IQSEC1: variants seen among roughly 807,000 people sequenced by gnomAD.
IQSEC1 encodes IQ motif and SEC7 domain-containing protein 1.
IQSEC1 carries 31 observed loss-of-function variants against 91.0 expected under a neutral mutation model. The ratio of observed to expected loss-of-function variants is 0.34; its 90% CI spans 0.26 to 0.46. IQSEC1 has a LOEUF of 0.46. Among genes scored for constraint, IQSEC1 ranks in the 20% least tolerant of loss-of-function variants. The pLI is 1.00. For synonymous variants in IQSEC1, 699 were observed against 662.6 expected (o/e 1.05, Z -0.84); for missense variants, 1,388 against 1,575.6 (o/e 0.88, Z 2.02).
At position 13,254,035 on chromosome 3, in the gene IQSEC1, C is replaced by T. The variant is rs143933390; in HGVS notation, c.272+28676G>A. The stretch of plus-strand genomic sequence containing the variant: ...AGCAGCCCCTCCACATAACTACAAG[C>T]CCTGCCTCCACTGTCGCATCTGAGG... On this transcript the variant is annotated intron_variant, in intron 1 of 15. Coordinates refer to the IQSEC1 transcript ENST00000648114. Among the ~76,000 whole-genome samples the T allele has an allele frequency of 8.8e-3, 1,334 of 152,348 alleles. 21 individuals are homozygous for T. Among genetic ancestry groups the T allele is most frequent in the African/African-American group, 0.031 (1,271 of 41,578 alleles).
At position 13,193,736 on chromosome 3, in the gene IQSEC1, G is replaced by C. The variant is rs1316137853; in HGVS notation, c.273-29603C>G. On this transcript the variant is annotated intron_variant, in intron 1 of 15. Coordinates refer to the IQSEC1 transcript ENST00000648114. The surrounding 1 kb of genome is among the most constrained non-coding windows in gnomAD (Gnocchi z 4.2). ...CTCCCTCCTCCAACGGGCTCTCCCT[G>C]GACACATGCTGTGCTGGACGCTGTC... 6.6e-6 allele frequency among the ~76,000 whole-genome samples: 1 copy of C among 152,092 alleles called. No individual in the cohort carries two copies. The highest frequency in any genetic ancestry group is 6.5e-5 in the Admixed American group (1 of 15,276).
Position 12,941,829 on chromosome 3 carries a change from T to C in IQSEC1, c.60A>G (p.Thr20=), listed in dbSNP as rs761340532. 7.5e-5 allele frequency: 121 copies of C among 1,607,582 alleles called. No individual in the cohort carries two copies. Among genetic ancestry groups the C allele is most frequent in the South Asian group, 1.0e-4 (9 of 90,450 alleles). Residue 20 remains threonine, a synonymous_variant, in exon 2 of 14, where the codon ACA becomes ACG. Transcript: ENST00000613206. The part of the protein sequence containing the change: ...EGEAPSSETG[T]SLDSPSAYPQ... ...GGTAGGCTGAGGGGCTGTCCAGGGA[T>C]GTGCCAGTCTCACTGCTGGGGGCCT... is the stretch of plus-strand genomic sequence containing the variant.
intron 2 of IQSEC1, among the ~76,000 whole-genome samples, chr3:13,146,393 C>T (rs1379147189): frequency 6.6e-6 from 1 of 152,224 alleles, no homozygotes; most frequent in African/African-American, 2.4e-5. Flanking sequence ...CCTCCGCACC[C>T]TTCTGTCCTG....
chr3:13,104,735 G>A (rs536270921), intron 2 of IQSEC1, among the ~76,000 whole-genome samples: 34 of 152,272 alleles, frequency 2.2e-4, no homozygotes, highest in African/African-American at 7.9e-4. Flanking sequence ...CCCTCACTCC[G>A]GCCACTAGCG....
At chr3:13,003,845 A>T (rs1244968074) in intron 1 of IQSEC1, among the ~76,000 whole-genome samples, 1 of 152,210 alleles carries the variant, frequency 6.6e-6, no homozygotes, top group Non-Finnish European at 1.5e-5. Context: ...TGTTCTTAGT[A>T]ATTATGTACT....
chr3:13,071,158 TTTTTTTTTG>T (rs1705408876), intron 1 of IQSEC1, among the ~76,000 whole-genome samples: 8 of 119,622 alleles, frequency 6.7e-5, no homozygotes, highest in African/African-American at 1.2e-4. Context: ...TTTTTGTTTT[TTTTTTTTTG>T]TTTGTTTCTT....
chr3:13,152,865 G>A (rs1279374735), intron 2 of IQSEC1, among the ~76,000 whole-genome samples: 4 of 151,860 alleles, frequency 2.6e-5, no homozygotes, highest in Non-Finnish European at 4.4e-5. Context: ...GCAAGACTCC[G>A]TCTCAAAACA....
intron 2 of IQSEC1, among the ~76,000 whole-genome samples, chr3:13,084,751 T>C (rs1705706616): frequency 6.6e-6 from 1 of 152,150 alleles, no homozygotes. Flanking sequence ...ACAAAGCGGT[T>C]TCCCAGGATC....
chr3:13,061,549 C>A (rs533910168), intron 1 of IQSEC1, among the ~76,000 whole-genome samples: 2 of 152,116 alleles, frequency 1.3e-5, no homozygotes, highest in African/African-American at 4.8e-5. Flanking sequence ...AGTCCCCAGC[C>A]CCCACCAAGG....
At chr3:13,274,114 G>T (rs1011858447) in intron 1 of IQSEC1, among the ~76,000 whole-genome samples, 2 of 152,138 alleles carry the variant, frequency 1.3e-5, no homozygotes, top group African/African-American at 4.8e-5. Context: ...GTTTTCCCAG[G>T]CTACCCCACC....
chr3:13,062,164 C>T (rs1705088239), intron 1 of IQSEC1, among the ~76,000 whole-genome samples: 1 of 152,170 alleles, frequency 6.6e-6, no homozygotes, highest in Non-Finnish European at 1.5e-5. Flanking sequence ...GTTTGCCACC[C>T]AAAGGCTCCT....
intron 1 of IQSEC1, among the ~76,000 whole-genome samples, chr3:13,223,240 T>C (rs1302887941): frequency 6.6e-6 from 1 of 152,198 alleles, no homozygotes; most frequent in African/African-American, 2.4e-5. Context: ...TCTTCCCAGT[T>C]AGAGGCATGA....
chr3:13,027,517 G>A (rs948020885), intron 1 of IQSEC1, among the ~76,000 whole-genome samples: 3 of 152,246 alleles, frequency 2.0e-5, no homozygotes, highest in East Asian at 1.9e-4. Context: ...TGCTTGGACT[G>A]GGGTGGTGGA....
Position 12,994,183 on chromosome 3 carries a change from G to GGGAGCC in IQSEC1, c.24-52324_24-52319dup, listed in dbSNP as rs1206548649. ...CGCGGGGGGGCGGGGGCGGGCGCTC[G>GGGAGCC]GGAGCCGGAGCCGGAGCCCGAGCCC... is the stretch of plus-strand genomic sequence containing the variant. On this transcript the variant is annotated intron_variant, in intron 1 of 13. Transcript: ENST00000613206. The surrounding 1 kb of genome is among the most constrained non-coding windows in gnomAD (Gnocchi z 4.5). Among the ~76,000 whole-genome samples, 4 of 146,784 alleles carry GGGAGCC rather than the reference G, an allele frequency of 2.7e-5. No homozygotes were observed. Among genetic ancestry groups the GGGAGCC allele is most frequent in the African/African-American group, 7.4e-5 (3 of 40,684 alleles).
At chr3:13,213,579 G>C (rs1201898897) in intron 1 of IQSEC1, among the ~76,000 whole-genome samples, 5 of 152,138 alleles carry the variant, frequency 3.3e-5, no homozygotes, top group African/African-American at 1.2e-4. Flanking sequence ...TTTATCCACG[G>C]CTCCTTCAAC....
rs181488308 is a variant in IQSEC1 at position 13,267,711 on chromosome 3, G to A, written c.272+15000C>T. ...CCGCTCACTGCAAGCTCCGCCTCCCGGGTTCACGCCATTCTCCTGCCTCAG... is the reference window on the plus strand; with the variant it reads ...CCGCTCACTGCAAGCTCCGCCTCCCAGGTTCACGCCATTCTCCTGCCTCAG... On this transcript the variant is annotated intron_variant, in intron 1 of 15. Transcript: ENST00000648114. Among the ~76,000 whole-genome samples, 1,121 of 151,102 alleles carry A rather than the reference G, an allele frequency of 7.4e-3. 11 individuals are homozygous for A. Among genetic ancestry groups the A allele is most frequent in the African/African-American group, 0.026 (1,051 of 41,138 alleles).
intron 2 of IQSEC1, among the ~76,000 whole-genome samples, chr3:13,097,930 A>G (rs755603705): frequency 2.6e-5 from 4 of 152,224 alleles, no homozygotes; most frequent in Non-Finnish European, 4.4e-5. Flanking sequence ...ACAGGGGTGC[A>G]TGGAAGGCCC....
intron 1 of IQSEC1, among the ~76,000 whole-genome samples, chr3:13,195,066 C>T (rs1694102251): frequency 6.6e-6 from 1 of 152,172 alleles, no homozygotes. Context: ...AGGCATGCTA[C>T]TGACTGGGGA....
chr3:12,945,477 T>G (rs1037370252), intron 1 of IQSEC1, among the ~76,000 whole-genome samples: 1 of 148,272 alleles, frequency 6.7e-6, no homozygotes, highest in African/African-American at 2.5e-5. Context: ...CCGGGTCCTG[T>G]CCAGTCTATT....
Sources: allele counts gnomAD v4.1 joint callset (sites outside exome capture counted in the v4.1 genomes callset), GRCh38; gene constraint gnomAD v4.1.1; non-coding constraint Gnocchi (gnomAD v3.1); transcripts MANE v1.5; gene names NCBI Gene and HGNC (gene_info 2026-07-23, HGNC 2026-07-21).